Variants in ARHGEF16 observed in about 807,000 individuals in gnomAD.
The protein encoded by ARHGEF16 is Rho guanine exchange factor (GEF) 16.
ARHGEF16 carries 59 observed loss-of-function variants against 74.1 expected under a neutral mutation model. The observed-to-expected ratio is 0.80, with a 90% CI of 0.65 to 0.99. The LOEUF (loss-of-function observed/expected upper bound fraction) is 0.99, where lower values mean the gene tolerates loss of function less well. Ranked by LOEUF, ARHGEF16 falls within the 50% of genes least tolerant of loss-of-function variation. ARHGEF16 has a pLI of 0.00. For synonymous variants in ARHGEF16, 415 were observed against 412.6 expected (o/e 1.01, Z -0.07); for missense variants, 948 against 986.6 (o/e 0.96, Z 0.52).
chr1:3,455,764 A>G (rs1639253129), intron 1 of ARHGEF16, among the ~76,000 whole-genome samples: 1 of 152,212 alleles, frequency 6.6e-6, no homozygotes, highest in East Asian at 1.9e-4. Context: ...CATAGTTCCC[A>G]GGTGTGTGGG....
In ARHGEF16 at chr1:3,476,024, T is replaced by C. The variant is rs201584820; in HGVS notation, c.1435T>C (p.Tyr479His). The change falls in exon 10 of 15, where the codon TAC becomes CAC. Residue 479 changes from tyrosine (Y) to histidine (H), a missense_variant. Tyr to His is a moderately conservative substitution (Grantham distance 83, BLOSUM62 2). Transcript: ENST00000378378. ...AHRMERMEQM[Y>H]TLHTQLDFSK... ...CAGGATGGAGCGCATGGAGCAGATG[T>C]ACACGCTGCACACACAGCTGGACTT... 3.0e-4 allele frequency: 469 copies of C among 1,557,196 alleles called. 1 individual carries two copies. The highest frequency in any genetic ancestry group is 3.6e-4 in the Non-Finnish European group (418 of 1,150,504).
intron 10 of ARHGEF16, among the ~76,000 whole-genome samples, chr1:3,476,689 C>T (rs1487009573): frequency 6.6e-6 from 1 of 152,134 alleles, no homozygotes; most frequent in East Asian, 1.9e-4. Flanking sequence ...CTAAGGCGGG[C>T]CCAGGTGGGT....
At chr1:3,477,122 G>A (rs1035069959) in intron 10 of ARHGEF16, among the ~76,000 whole-genome samples, 3 of 151,736 alleles carry the variant, frequency 2.0e-5, no homozygotes, top group South Asian at 2.1e-4. Flanking sequence ...GGCCGGGAGC[G>A]GGAGGTGCCG....
intron 4 of ARHGEF16, among the ~76,000 whole-genome samples, chr1:3,468,390 C>G (rs1639606901): frequency 1.3e-5 from 2 of 152,206 alleles, no homozygotes; most frequent in African/African-American, 4.8e-5. Context: ...GAGCCACACT[C>G]CCGCCAAGGC....
At chr1:3,471,182 C>T (rs1180135496) in intron 6 of ARHGEF16, among the ~76,000 whole-genome samples, 2 of 151,872 alleles carry the variant, frequency 1.3e-5, no homozygotes, top group African/African-American at 2.4e-5. Flanking sequence ...CTGTGCTGCT[C>T]CCTATATGCA....
At chr1:3,454,968 G>GCGACC (rs1639232384) in intron 1 of ARHGEF16, among the ~76,000 whole-genome samples, 157 bp downstream of exon 1, 1 of 152,050 alleles carries the variant, frequency 6.6e-6, no homozygotes, top group African/African-American at 2.4e-5. Context: ...CAACAACTTC[G>GCGACC]CGACCCTCCT....
At chr1:3,465,925 C>G (rs1187112103) in intron 2 of ARHGEF16, 1 of 567,528 alleles carries the variant, frequency 1.8e-6, no homozygotes, top group African/African-American at 1.9e-5. Flanking sequence ...AACCCTTCCT[C>G]CTCCTCCAAG....
At chr1:3,474,593 C>G (rs1424196289) in intron 8 of ARHGEF16, 115 bp from the exon 9 acceptor site, 2 of 973,648 alleles carry the variant, frequency 2.1e-6, no homozygotes, top group Non-Finnish European at 3.3e-6. Flanking sequence ...GCAGGAGCCC[C>G]CTGGGGGCAG....
intron 6 of ARHGEF16, 34 bp from the exon 7 acceptor site, chr1:3,473,022 ACGTGGGGCCCGACCACCAGGCC>A (rs554565812): frequency 1.3e-6 from 2 of 1,575,946 alleles, no homozygotes; most frequent in African/African-American, 2.7e-5. Context: ...GTGTGTGCAC[ACGTGGGGCCCGACCACCAGGCC>A]CGTGGCACCC....
At chr1:3,467,040 C>T in intron 3 of ARHGEF16, 128 bp from the exon 4 acceptor site, 1 of 1,039,844 alleles carries the variant, frequency 9.6e-7, no homozygotes, top group Non-Finnish European at 1.4e-6. Flanking sequence ...GCAGTCCCCT[C>T]CCAAAGCCTC....
rs533284789 is a variant in ARHGEF16, at chr1:3,480,808, G to A, written c.*221G>A. The A allele has an allele frequency of 1.7e-5, 11 of 637,136 alleles. No homozygotes were observed. Among genetic ancestry groups the A allele is most frequent in the Middle Eastern group, 4.3e-4 (1 of 2,312 alleles). The allele number at this position is 637,136 out of a possible 1,614,324, so 39.5% of individuals were successfully genotyped here. A position where few individuals can be genotyped will look rare whatever the true frequency, so the allele number is the denominator to read the frequency against. On this transcript the variant is annotated 3_prime_UTR_variant, in exon 15 of 15. Coordinates refer to ENST00000378378, the MANE Select transcript of ARHGEF16 (RefSeq NM_014448.4). The stretch of plus-strand genomic sequence containing the variant: ...CAGGCAAGCTCGAGGGGGCCACACC[G>A]TGTCCCAGGGAGCCCAGCCTATTCC...
At position 3,463,477 on chromosome 1, in the gene ARHGEF16, C is replaced by T. The variant is rs1400075262; in HGVS notation, c.393C>T (p.Ser131=). Residue 131 remains serine (S), a synonymous_variant, in exon 2 of 15, where the codon TCC becomes TCT. Coordinates refer to ENST00000378378, the MANE Select transcript of ARHGEF16 (RefSeq NM_014448.4). ...AGCTCCTCCCAGCCCCCAGCTTCTC[C>T]CTGGATGACATGGACGTGGACAAGG... is the stretch of plus-strand genomic sequence containing the variant. ...DPKLLPAPSF[S]LDDMDVDKDP... is the part of the protein sequence containing the mutation. 1 of 1,527,564 alleles carries T rather than the reference C, an allele frequency of 6.5e-7. No individual in the cohort carries two copies. Among genetic ancestry groups the T allele is most frequent in the East Asian group, 2.5e-5 (1 of 40,690 alleles). The allele number at this position is 1,527,564 out of a possible 1,614,324, so 94.6% of individuals were successfully genotyped here.
At chr1:3,468,039 C>A (rs1639596469) in intron 4 of ARHGEF16, among the ~76,000 whole-genome samples, 1 of 152,226 alleles carries the variant, frequency 6.6e-6, no homozygotes, top group South Asian at 2.1e-4. Flanking sequence ...CCAGGGCAGG[C>A]CCAGCGTGGG....
At chr1:3,472,070 A>G (rs1309301627) in intron 6 of ARHGEF16, among the ~76,000 whole-genome samples, 1 of 152,144 alleles carries the variant, frequency 6.6e-6, no homozygotes, top group African/African-American at 2.4e-5. Context: ...TGAGCAGAGG[A>G]GGAGGGACTC....
chr1:3,463,128 T>C lies in ARHGEF16; in HGVS notation c.44T>C (p.Leu15Pro). The part of the protein sequence containing the change: ...HSDSSLEEKL[L>P]GHRFHSELRL... ...GACAGCTCCTTGGAGGAGAAGCTCC[T>C]GGGACACCGCTTCCACTCGGAGCTC... is the stretch of plus-strand genomic sequence containing the variant. Residue 15 changes from leucine (L) to proline (P), a missense_variant, in exon 2 of 15, where the codon CTG becomes CCG. Physicochemically the swap from Leu to Pro is moderately conservative, Grantham distance 98. Transcript: ENST00000378378. 1 of 1,480,378 alleles carries C rather than the reference T, an allele frequency of 6.8e-7. No individual in the cohort carries two copies. The highest frequency in any genetic ancestry group is 1.4e-5 in the African/African-American group (1 of 70,854). 91.7% of individuals were successfully genotyped at this position (1,480,378 alleles called of 1,614,324 possible). A position where few individuals can be genotyped will look rare whatever the true frequency, so the allele number is the denominator to read the frequency against.
In ARHGEF16 at chr1:3,469,558, C is replaced by A; in HGVS notation, c.987C>A (p.Phe329Leu). 6.2e-7 allele frequency: 1 copy of A among 1,613,096 alleles called. No homozygotes were observed. The highest frequency in any genetic ancestry group is 8.5e-7 in the Non-Finnish European group (1 of 1,179,990). ...TVTQMEHHHL[F>L]SNILDVLGAS... ...CCCAGATGGAGCACCACCACCTCTT[C>A]TCCAACATCCTGGATGTCCTGGGTG... Residue 329 changes from phenylalanine to leucine, a missense_variant, in exon 6 of 15, where the codon TTC becomes TTA. Transcript: ENST00000378378.
intron 10 of ARHGEF16, 132 bp downstream of exon 10, chr1:3,476,194 CTGGGCCTCCT>C: frequency 7.5e-6 from 7 of 934,020 alleles, no homozygotes; most frequent in Non-Finnish European, 1.1e-5. Context: ...GGCCTGGGGG[CTGGGCCTCCT>C]AGGGCTGGTG....
intron 12 of ARHGEF16, 85 bp downstream of exon 12, chr1:3,478,697 T>C (rs917167117): frequency 2.7e-5 from 39 of 1,432,306 alleles, no homozygotes; most frequent in Non-Finnish European, 3.6e-5. Flanking sequence ...CCTTGCTCGC[T>C]GTTGCATGGC....
At chr1:3,474,516 G>A in intron 8 of ARHGEF16, 192 bp from the exon 9 acceptor site, 1 of 591,094 alleles carries the variant, frequency 1.7e-6, no homozygotes, top group Non-Finnish European at 3.1e-6. Flanking sequence ...CACTCAACCT[G>A]GCCTGACCTG....
Sources: allele counts gnomAD v4.1 joint callset (sites outside exome capture counted in the v4.1 genomes callset), GRCh38; gene constraint gnomAD v4.1.1; transcripts MANE v1.5; gene names NCBI Gene and HGNC (gene_info 2026-07-23, HGNC 2026-07-21).